Variants in DOK6 observed in about 807,000 individuals in gnomAD.
The protein encoded by DOK6 is downstream of tyrosine kinase 6.
In DOK6, 22 loss-of-function variants were observed where a neutral mutation model predicts 44.0. The observed-to-expected ratio is 0.50, with a 90% CI of 0.36 to 0.71. The LOEUF is 0.71. Among genes scored for constraint, DOK6 ranks in the 30% least tolerant of loss-of-function variants. The pLI is 0.00. For missense variants in DOK6, 340 were observed against 416.4 expected, an observed-to-expected ratio of 0.82 and a Z score of 1.60; for synonymous variants, 166 against 145.5, an observed-to-expected ratio of 1.14 and a Z score of -1.01.
chr18:69,481,529 G>A (rs190003628), intron 1 of DOK6, among the ~76,000 whole-genome samples: 242 of 152,114 alleles, frequency 1.6e-3, no homozygotes, highest in Non-Finnish European at 2.5e-3. Flanking sequence ...AGCTTCATCC[G>A]TGTCCCTACA....
At chr18:69,785,818 T>C (rs941147056) in intron 7 of DOK6, among the ~76,000 whole-genome samples, 1 of 152,168 alleles carries the variant, frequency 6.6e-6, no homozygotes, top group Non-Finnish European at 1.5e-5. Flanking sequence ...CCATAATACT[T>C]TGTGGAAAGT....
At chr18:69,763,791 C>A (rs1979635400) in intron 7 of DOK6, among the ~76,000 whole-genome samples, 2 of 152,116 alleles carry the variant, frequency 1.3e-5, no homozygotes, top group South Asian at 4.1e-4. Context: ...ATGACAAAAG[C>A]ATTTATTGAA....
At chr18:69,666,701 A>G (rs766074507) in intron 3 of DOK6, among the ~76,000 whole-genome samples, 1 of 152,202 alleles carries the variant, frequency 6.6e-6, no homozygotes, top group Non-Finnish European at 1.5e-5. Flanking sequence ...TGTGAGATGA[A>G]GGAATGGAAT....
At chr18:69,832,515 T>C (rs1981930031) in intron 7 of DOK6, 1 of 152,160 alleles carries the variant, frequency 6.6e-6, no homozygotes, top group Admixed American at 6.5e-5. Flanking sequence ...TTTCTGGTTT[T>C]AGTATCAGAG....
chr18:69,410,293 C>T (rs918750147), intron 1 of DOK6, among the ~76,000 whole-genome samples: 1 of 152,242 alleles, frequency 6.6e-6, no homozygotes, highest in African/African-American at 2.4e-5. Flanking sequence ...TCCGCCTGGG[C>T]GTTCCTCACT....
At chr18:69,823,817 A>G (rs551278107) in intron 7 of DOK6, among the ~76,000 whole-genome samples, 64 of 152,110 alleles carry the variant, frequency 4.2e-4, no homozygotes, top group African/African-American at 1.5e-3. Flanking sequence ...TTCTATGATC[A>G]TTTCATAGGA....
intron 1 of DOK6, among the ~76,000 whole-genome samples, chr18:69,512,204 C>CA (rs1034116407): frequency 1.0e-4 from 15 of 150,728 alleles, no homozygotes; most frequent in Non-Finnish European, 1.8e-4. Context: ...CCTTCTCTTA[C>CA]AAAAAAAGGG....
At chr18:69,616,011 C>T (rs1984276116) in intron 3 of DOK6, among the ~76,000 whole-genome samples, 1 of 152,162 alleles carries the variant, frequency 6.6e-6, no homozygotes, top group Non-Finnish European at 1.5e-5. Context: ...AACATATTGG[C>T]TGCTAAACAA....
chr18:69,417,899 A>T (rs952417298), intron 1 of DOK6, among the ~76,000 whole-genome samples: 9 of 151,824 alleles, frequency 5.9e-5, no homozygotes, highest in Non-Finnish European at 2.9e-5. Context: ...TTTTAATCAG[A>T]TTGTTTGTTT....
At chr18:69,736,553 T>C (rs2049538263) in intron 5 of DOK6, among the ~76,000 whole-genome samples, 1 of 151,858 alleles carries the variant, frequency 6.6e-6, no homozygotes. Flanking sequence ...TAGTTTGAAG[T>C]CAGGACAAAC....
chr18:69,800,865 A>ATTTC (rs1980883880), intron 7 of DOK6, among the ~76,000 whole-genome samples: 1 of 152,170 alleles, frequency 6.6e-6, no homozygotes. Flanking sequence ...CTTTTGAAAT[A>ATTTC]TTTCTTTAAT....
At chr18:69,565,819 T>A (rs1273420902) in intron 2 of DOK6, among the ~76,000 whole-genome samples, 1 of 152,232 alleles carries the variant, frequency 6.6e-6, no homozygotes, top group Non-Finnish European at 1.5e-5. Flanking sequence ...TGATATATGA[T>A]GTCATAAACA....
chr18:69,748,584 C>T (rs554703063), intron 6 of DOK6, among the ~76,000 whole-genome samples: 1 of 152,150 alleles, frequency 6.6e-6, no homozygotes, highest in Non-Finnish European at 1.5e-5. Context: ...AACCACACAA[C>T]TACATGGAAA....
At chr18:69,526,617 A>G (rs1981838782) in intron 1 of DOK6, among the ~76,000 whole-genome samples, 1 of 152,122 alleles carries the variant, frequency 6.6e-6, no homozygotes, top group African/African-American at 2.4e-5. Context: ...TGAGAGTAAA[A>G]TTTCTGGGTC....
rs1234972363 is a variant in DOK6, at chr18:69,535,231, A to C, written c.67-29256A>C. On this transcript the variant is annotated intron_variant, in intron 1 of 7. Coordinates refer to ENST00000382713, the MANE Select transcript of DOK6 (RefSeq NM_152721.6). Reference sequence around the variant, plus strand: ...CTTTCAAAAAATTTATATTTTCTTCATAATAGTCTTAATAGTTTTTCTTAT... The same window carrying C: ...CTTTCAAAAAATTTATATTTTCTTCCTAATAGTCTTAATAGTTTTTCTTAT... 2.6e-5 allele frequency among the ~76,000 whole-genome samples: 4 copies of C among 152,092 alleles called. No homozygotes were observed. In the East Asian group the frequency reaches 7.7e-4, roughly 29 times the overall value.
intron 1 of DOK6, among the ~76,000 whole-genome samples, chr18:69,512,085 C>G (rs944726937): frequency 7.2e-6 from 1 of 139,588 alleles, no homozygotes; most frequent in Non-Finnish European, 1.6e-5. Context: ...CCCATCCCCC[C>G]ACACGCACCC....
intron 1 of DOK6, among the ~76,000 whole-genome samples, chr18:69,538,180 A>G (rs983125740): frequency 6.6e-6 from 1 of 152,218 alleles, no homozygotes; most frequent in Non-Finnish European, 1.5e-5. Flanking sequence ...ATGCTGAAAT[A>G]TGAGAACTTA....
At chr18:69,724,834 C>G (rs1200657244) in intron 5 of DOK6, 1 of 152,188 alleles carries the variant, frequency 6.6e-6, no homozygotes, top group African/African-American at 2.4e-5. Context: ...CCAGCTCTCT[C>G]CAAGATTATA....
At chr18:69,551,033 G>T (rs1322498395) in intron 1 of DOK6, among the ~76,000 whole-genome samples, 4 of 151,492 alleles carry the variant, frequency 2.6e-5, no homozygotes, top group Non-Finnish European at 5.9e-5. Context: ...TTTACAGGAA[G>T]TAACATTTAC....
Sources: gnomAD v4.1 joint callset for allele counts (sites outside exome capture counted in the v4.1 genomes callset) on GRCh38, gnomAD v4.1.1 for gene constraint, MANE v1.5 for transcripts, NCBI Gene and HGNC (gene_info 2026-07-23, HGNC 2026-07-21) for gene names.